Variants in EFCAB8 observed in about 807,000 individuals in gnomAD.
EFCAB8 encodes the protein EF-hand calcium binding domain 8.
Under a neutral mutation model 116.3 loss-of-function variants are expected in EFCAB8, and 100 were observed. The observed-to-expected ratio is 0.86, with a 90% CI of 0.73 to 1.02. The LOEUF (loss-of-function observed/expected upper bound fraction) is 1.02. Ranked by LOEUF, EFCAB8 falls within the 50% of genes least tolerant of loss-of-function variation. The pLI, the probability that EFCAB8 is intolerant of heterozygous loss-of-function variation, is 0.00. For missense variants in EFCAB8, 1,320 were observed against 1,416.9 expected, an observed-to-expected ratio of 0.93 and a Z score of 1.10; for synonymous variants, 558 against 567.9, an observed-to-expected ratio of 0.98 and a Z score of 0.25.
intron 20 of EFCAB8, among the ~76,000 whole-genome samples, chr20:32,926,136 C>T (rs765854772): frequency 2.0e-5 from 3 of 152,216 alleles, no homozygotes; most frequent in African/African-American, 4.8e-5. Flanking sequence ...CTGCTCTCAC[C>T]GTCCCAGGGC....
rs1212750142 is a variant in EFCAB8 at position 32,931,272 on chromosome 20, G to A, written c.2726G>A (p.Arg909Gln). 7.7e-6 allele frequency: 12 copies of A among 1,551,616 alleles called. No individual in the cohort carries two copies. The highest frequency in any genetic ancestry group is 1.7e-4 in the Middle Eastern group (1 of 5,992). ...KVVSEAHNKF[R>Q]LLIPQQLGTN... ...GTCTCTGAAGCACACAACAAGTTCCGGTTGTTAATTCCTCAGCAACTTGGG... is the reference window on the plus strand; with the variant it reads ...GTCTCTGAAGCACACAACAAGTTCCAGTTGTTAATTCCTCAGCAACTTGGG... Residue 909 changes from arginine to glutamine, a missense_variant, in exon 22 of 27, where the codon CGG (arginine) becomes CAG (glutamine). Coordinates refer to ENST00000400522, the MANE Select transcript of EFCAB8 (RefSeq NM_001143967.2).
chr20:32,888,779 G>C lies in EFCAB8; in HGVS notation c.568-522G>C, dbSNP rs550334776. ...CAGTTCCTTTGTTCTTAATGTCTGGGTGGTGTCCATGGTGTGGGTTGATAA... is the reference window on the plus strand; with the variant it reads ...CAGTTCCTTTGTTCTTAATGTCTGGCTGGTGTCCATGGTGTGGGTTGATAA... On this transcript the variant is annotated intron_variant, in intron 6 of 26. Transcript: ENST00000400522. 2.0e-5 allele frequency among the ~76,000 whole-genome samples: 3 copies of C among 152,272 alleles called. No homozygotes were observed. The East Asian group carries it at 5.8e-4, about 29-fold the overall frequency.
intron 23 of EFCAB8, among the ~76,000 whole-genome samples, chr20:32,946,256 G>A (rs1159403613): frequency 6.6e-6 from 1 of 152,242 alleles, no homozygotes; most frequent in African/African-American, 2.4e-5. Flanking sequence ...AAGTCTGCAT[G>A]TTGGATGTAC....
chr20:32,860,040 C>CA (rs1180679876), intron 1 of EFCAB8, among the ~76,000 whole-genome samples: 1 of 152,200 alleles, frequency 6.6e-6, no homozygotes, highest in Admixed American at 6.5e-5. Flanking sequence ...CGCGGTGACT[C>CA]ACGCCTGTAA....
chr20:32,908,800 T>C (rs1986794546), intron 14 of EFCAB8, among the ~76,000 whole-genome samples: 1 of 152,192 alleles, frequency 6.6e-6, no homozygotes, highest in Admixed American at 6.5e-5. Context: ...TTTTTCCTGC[T>C]AAGTCATGAA....
intron 3 of EFCAB8, 92 bp downstream of exon 3, chr20:32,867,839 A>G (rs1461978729): frequency 5.0e-6 from 7 of 1,396,760 alleles, no homozygotes; most frequent in African/African-American, 1.5e-5. Flanking sequence ...AGACATAATA[A>G]GCATTTTTTT....
chr20:32,939,161 TTCTTTCTTTCTTTCTTTC>T (rs1328382619), intron 22 of EFCAB8, among the ~76,000 whole-genome samples: 1 of 94,240 alleles, frequency 1.1e-5, no homozygotes, highest in Non-Finnish European at 2.3e-5. Context: ...CTTTCTTTCT[TTCTTTCTTTCTTTCTTTC>T]TTTCTTTCTT....
intron 12 of EFCAB8, 94 bp downstream of exon 12, chr20:32,906,723 TG>T: frequency 1.4e-6 from 1 of 721,540 alleles, no homozygotes; most frequent in Non-Finnish European, 2.6e-6. Flanking sequence ...GCACAGCATC[TG>T]GCCTCTGTCT....
chr20:32,893,153 T>C (rs2146213187), intron 8 of EFCAB8, 21 bp from the exon 9 acceptor site: 1 of 1,551,646 alleles, frequency 6.4e-7, no homozygotes, highest in Non-Finnish European at 8.7e-7. Context: ...CACAACCTCT[T>C]CCGTCTCCAT....
At chr20:32,913,714 C>T (rs555018324) in intron 17 of EFCAB8, among the ~76,000 whole-genome samples, 26 of 150,242 alleles carry the variant, frequency 1.7e-4, no homozygotes, top group South Asian at 1.0e-3. Context: ...GATGCTAACA[C>T]GTTATGTACT....
intron 17 of EFCAB8, among the ~76,000 whole-genome samples, chr20:32,915,971 T>C (rs1460512352): frequency 6.6e-6 from 1 of 151,738 alleles, no homozygotes; most frequent in Non-Finnish European, 1.5e-5. Context: ...CCTGCCCAGC[T>C]GCTGTTACCT....
At chr20:32,895,476 C>T (rs766646023) in intron 9 of EFCAB8, among the ~76,000 whole-genome samples, 3 of 151,798 alleles carry the variant, frequency 2.0e-5, no homozygotes, top group Non-Finnish European at 4.4e-5. Context: ...AGGCACGCCA[C>T]CACCACTTCT....
intron 11 of EFCAB8, among the ~76,000 whole-genome samples, chr20:32,901,089 G>A (rs1362895760): frequency 8.5e-5 from 13 of 152,358 alleles, no homozygotes; most frequent in East Asian, 1.9e-4. Context: ...AGGGGCCTCC[G>A]GGAATGTCTG....
Position 32,908,360 on chromosome 20 carries a change from C to T in EFCAB8, c.1394C>T (p.Thr465Ile). Residue 465 changes from threonine (T) to isoleucine (I), a missense_variant, in exon 14 of 27, where the codon ACC (threonine) becomes ATC (isoleucine). By Grantham distance (89) the Thr-to-Ile change is moderately conservative. Coordinates refer to ENST00000400522, the MANE Select transcript of EFCAB8 (RefSeq NM_001143967.2). ...KFFALGNCPI[T>I]SAYFFEKDNT... ...TTTGCTCTGGGAAACTGCCCCATCA[C>T]CAGTGCCTACTTCTTCGAGAAGGAC... 1 of 1,250,000 alleles carries T rather than the reference C, an allele frequency of 8.0e-7. No individual in the cohort carries two copies. 77.4% of individuals were successfully genotyped at this position (1,250,000 alleles called of 1,614,324 possible).
At chr20:32,938,060 T>C (rs1600450822) in intron 22 of EFCAB8, among the ~76,000 whole-genome samples, 1 of 149,940 alleles carries the variant, frequency 6.7e-6, no homozygotes, top group East Asian at 1.9e-4. Flanking sequence ...GATACAAAAA[T>C]CTTCAAAATA....
intron 3 of EFCAB8, 55 bp from the exon 4 acceptor site, chr20:32,875,871 A>T: frequency 6.7e-7 from 1 of 1,490,834 alleles, no homozygotes; most frequent in South Asian, 1.2e-5. Flanking sequence ...CGTGGCAGTG[A>T]TGGGCCGAGG....
chr20:32,921,831 C>CTTTTTTTTT (rs11483441), intron 20 of EFCAB8, among the ~76,000 whole-genome samples: 14 of 130,216 alleles, frequency 1.1e-4, no homozygotes, highest in Middle Eastern at 4.2e-3. Context: ...TTACCTTATT[C>CTTTTTTTTT]TTTTTTTTTT....
chr20:32,908,065 C>T (rs1034072631), intron 13 of EFCAB8, among the ~76,000 whole-genome samples: 1 of 152,292 alleles, frequency 6.6e-6, no homozygotes, highest in East Asian at 1.9e-4. Flanking sequence ...TGTGCCCGGC[C>T]CTCACTCACT....
chr20:32,878,930 C>T, intron 5 of EFCAB8, 123 bp downstream of exon 5: 2 of 773,676 alleles, frequency 2.6e-6, no homozygotes, highest in Non-Finnish European at 4.3e-6. Context: ...TGGCATCAGC[C>T]TGCTGCCTGA....
Sources: gnomAD v4.1 joint callset for allele counts (sites outside exome capture counted in the v4.1 genomes callset) on GRCh38, gnomAD v4.1.1 for gene constraint, MANE v1.5 for transcripts, NCBI Gene and HGNC (gene_info 2026-07-23, HGNC 2026-07-21) for gene names.